Variants in SCARA3 observed in about 807,000 individuals in gnomAD.
SCARA3 encodes cellular stress response gene protein.
Under a neutral mutation model 47.0 loss-of-function variants are expected in SCARA3, and 39 were observed. The observed-to-expected ratio is 0.83, with a 90% confidence interval of 0.64 to 1.08. SCARA3 has a LOEUF of 1.08. Ranked by LOEUF, SCARA3 falls within the 50% of genes least tolerant of loss-of-function variation. The pLI is 0.00. For synonymous variants in SCARA3, 356 were observed against 334.1 expected (o/e 1.07, Z -0.71); for missense variants, 724 against 792.3 (o/e 0.91, Z 1.04).
the SCARA3 span, among the ~76,000 whole-genome samples, chr8:27,724,411 C>T: frequency 1.1e-4 from 16 of 152,260 alleles, no homozygotes; most frequent in Non-Finnish European, 1.9e-4. Flanking sequence ...AGCCTGTAAT[C>T]CCAGCCCTTT....
At chr8:27,664,242 A>C (rs553603129) in intron 5 of SCARA3, among the ~76,000 whole-genome samples, 122 of 152,338 alleles carry the variant, frequency 8.0e-4, no homozygotes, top group African/African-American at 2.6e-3. Flanking sequence ...AATAGTTCTT[A>C]TGGTTCAGCC....
chr8:27,640,896 C>T (rs773007758), intron 1 of SCARA3, among the ~76,000 whole-genome samples: 61 of 152,182 alleles, frequency 4.0e-4, no homozygotes, highest in Admixed American at 2.9e-3. Flanking sequence ...GAGGTTTCAC[C>T]CTGTTCCCCA....
chr8:27,692,459 T>A, the SCARA3 span, among the ~76,000 whole-genome samples: 1 of 152,060 alleles, frequency 6.6e-6, no homozygotes, highest in South Asian at 2.1e-4. Context: ...AACAGACTAT[T>A]TGTAGCAATA....
At chr8:27,703,844 C>CTTTTTTTTTTTTT in the SCARA3 span, 9 of 54,550 alleles carry the variant, frequency 1.6e-4, no homozygotes, top group South Asian at 9.2e-4. Flanking sequence ...GTGCTTTCTA[C>CTTTTTTTTTTTTT]TTTTTTTTTT....
the SCARA3 span, among the ~76,000 whole-genome samples, chr8:27,705,856 A>C: frequency 6.6e-6 from 1 of 152,256 alleles, no homozygotes; most frequent in African/African-American, 2.4e-5. Flanking sequence ...TGTAAGAAGG[A>C]ACATCTAAGT....
the SCARA3 span, chr8:27,702,472 G>A: frequency 6.6e-6 from 1 of 152,266 alleles, no homozygotes; most frequent in Non-Finnish European, 1.5e-5. Context: ...ACAGCCTTCA[G>A]GTTTGCCAGG....
chr8:27,657,467 C>A (rs1196988845), intron 4 of SCARA3, among the ~76,000 whole-genome samples: 1 of 142,260 alleles, frequency 7.0e-6, no homozygotes, highest in Non-Finnish European at 1.5e-5. Flanking sequence ...CAGCCCATAA[C>A]CCCCTCCCTC....
At chr8:27,710,368 C>T in the SCARA3 span, among the ~76,000 whole-genome samples, 45,576 of 152,004 alleles carry the variant, frequency 0.3, 8,123 homozygotes, top group Non-Finnish European at 0.4. Flanking sequence ...AACAATATTG[C>T]CATACATTCG....
the SCARA3 span, among the ~76,000 whole-genome samples, chr8:27,716,323 T>TTATATA: frequency 1.3e-5 from 2 of 149,194 alleles, no homozygotes. Flanking sequence ...AAATATCTCT[T>TTATATA]TATATATATA....
At chr8:27,644,772 A>T (rs1206268515) in intron 1 of SCARA3, among the ~76,000 whole-genome samples, 1 of 151,986 alleles carries the variant, frequency 6.6e-6, no homozygotes, top group Non-Finnish European at 1.5e-5. Flanking sequence ...CATGCTTCAC[A>T]CTCAGGCACT....
chr8:27,648,501 G>A (rs1444700479), intron 1 of SCARA3, among the ~76,000 whole-genome samples: 2 of 152,132 alleles, frequency 1.3e-5, no homozygotes, highest in African/African-American at 2.4e-5. Flanking sequence ...CTACTCGGGA[G>A]GCTGAGGCAG....
At chr8:27,683,709 A>G in the SCARA3 span, among the ~76,000 whole-genome samples, 262 of 152,288 alleles carry the variant, frequency 1.7e-3, 6 homozygotes, top group East Asian at 0.048. Context: ...CACTCATACC[A>G]ACTTTACTCA....
intron 1 of SCARA3, among the ~76,000 whole-genome samples, chr8:27,636,047 T>C (rs1450801766): frequency 6.6e-6 from 1 of 152,178 alleles, no homozygotes; most frequent in Non-Finnish European, 1.5e-5. Context: ...CAAGTTATAA[T>C]CAGCCCTAGG....
chr8:27,638,282 C>G (rs1801300546), intron 1 of SCARA3, among the ~76,000 whole-genome samples: 1 of 151,302 alleles, frequency 6.6e-6, no homozygotes, highest in African/African-American at 2.4e-5. Flanking sequence ...CATACATGCA[C>G]TGCCCATGTT....
chr8:27,681,440 T>C (rs569833944), downstream of SCARA3, among the ~76,000 whole-genome samples: 9 of 152,310 alleles, frequency 5.9e-5, no homozygotes, highest in Non-Finnish European at 7.4e-5. Flanking sequence ...TCTCTACATA[T>C]GGACTGGGTG....
At chr8:27,686,024 A>T in the SCARA3 span, among the ~76,000 whole-genome samples, 2 of 152,270 alleles carry the variant, frequency 1.3e-5, no homozygotes, top group African/African-American at 4.8e-5. Flanking sequence ...GAAGAGATAC[A>T]TCAACCAAAT....
chr8:27,698,331 T>G, the SCARA3 span, among the ~76,000 whole-genome samples: 1 of 152,198 alleles, frequency 6.6e-6, no homozygotes, highest in Non-Finnish European at 1.5e-5. Context: ...AAGATTATTT[T>G]AAGACTATTT....
At chr8:27,709,866 A>G in the SCARA3 span, among the ~76,000 whole-genome samples, 1 of 152,156 alleles carries the variant, frequency 6.6e-6, no homozygotes, top group Non-Finnish European at 1.5e-5. Flanking sequence ...AGGTGGTTGA[A>G]GGAGTGACCC....
At chr8:27,646,842 G>A (rs1024977221) in intron 1 of SCARA3, among the ~76,000 whole-genome samples, 2 of 152,106 alleles carry the variant, frequency 1.3e-5, no homozygotes, top group African/African-American at 4.8e-5. Context: ...TTGGCAGATT[G>A]ACGATGGGAC....
Sources: gnomAD v4.1 joint callset for allele counts (sites outside exome capture counted in the v4.1 genomes callset) on GRCh38, gnomAD v4.1.1 for gene constraint, MANE v1.5 for transcripts, NCBI Gene and HGNC (gene_info 2026-07-23, HGNC 2026-07-21) for gene names.